Variants in WDR24 observed in about 807,000 individuals in gnomAD.
The protein encoded by WDR24 is GATOR2 complex protein WDR24.
Under a neutral mutation model 66.7 loss-of-function variants are expected in WDR24, and 32 were observed. The observed-to-expected ratio is 0.48, with a 90% confidence interval of 0.36 to 0.64. WDR24 has a LOEUF of 0.64. Ranked by LOEUF, WDR24 falls within the 30% of genes least tolerant of loss-of-function variation. The pLI is 0.00. For missense variants in WDR24, 978 were observed against 1,144.1 expected, an observed-to-expected ratio of 0.85 and a Z score of 2.09; for synonymous variants, 565 against 469.1, an observed-to-expected ratio of 1.20 and a Z score of -2.64.
chr16:689,665 G>A lies in WDR24; in HGVS notation c.-25C>T. The stretch of plus-strand genomic sequence containing the variant: ...TGGCTGCACAGGTGATGAGGTCAGG[G>A]GTCAGGAGGTCAGTGAGGTGGGCTG... On this transcript the variant is annotated 5_prime_UTR_variant, in exon 1 of 9. Transcript: ENST00000293883. 6.2e-7 allele frequency: 1 copy of A among 1,605,282 alleles called. No individual in the cohort carries two copies. Among genetic ancestry groups the A allele is most frequent in the Non-Finnish European group, 8.5e-7 (1 of 1,175,006 alleles).
Position 684,863 on chromosome 16 carries a change from G to C in WDR24, c.2244C>G (p.His748Gln), listed in dbSNP as rs763987449. 1.9e-6 allele frequency: 3 copies of C among 1,550,856 alleles called. No individual in the cohort carries two copies. The highest frequency in any genetic ancestry group is 2.4e-5 in the South Asian group (2 of 84,274). The change falls in exon 9 of 9, where the codon CAC becomes CAG. Residue 748 changes from histidine to glutamine, a missense_variant. His to Gln is a conservative substitution (Grantham distance 24). Around this residue, in one of 2 missense-constraint regions of WDR24, gnomAD observed 676 missense variants for 617.5 expected, o/e 1.09. Transcript: ENST00000293883. ...ACCACACGAAGAGACCCTTGACTAC[G>C]TGGTGGCAGACGGCACACATGCTGG... ...RCASMCAVCHHVVKGLFVWCQ... is the reference protein window; with the variant it reads ...RCASMCAVCHQVVKGLFVWCQ...
At position 685,429 on chromosome 16, in the gene WDR24, A is replaced by G; in HGVS notation, c.1847T>C (p.Leu616Pro). The G allele has an allele frequency of 6.2e-7, 1 of 1,611,596 alleles. No individual in the cohort carries two copies. The highest frequency in any genetic ancestry group is 8.5e-7 in the Non-Finnish European group (1 of 1,178,926). ...SLAPVDSSFSLLSVSHALYDS... is the reference protein window; with the variant it reads ...SLAPVDSSFSPLSVSHALYDS... ...GTAGAGCGCGTGTGAGACAGACAGGAGCGAGAAGGAGGAGTCCACGGGGGC... is the reference window on the plus strand; with the variant it reads ...GTAGAGCGCGTGTGAGACAGACAGGGGCGAGAAGGAGGAGTCCACGGGGGC... The change falls in exon 7 of 9, where the codon CTC becomes CCC. Residue 616 changes from leucine (L) to proline (P), a missense_variant. Physicochemically the swap from Leu to Pro is moderately conservative, Grantham distance 98 (BLOSUM62 -3). Around this residue, in one of 2 missense-constraint regions of WDR24, gnomAD observed 676 missense variants for 617.5 expected, o/e 1.09. Coordinates refer to ENST00000293883, the MANE Select transcript of WDR24 (RefSeq NM_032259.4).
In WDR24 at chr16:689,339, G is replaced by A. The variant is rs1054032678; in HGVS notation, c.302C>T (p.Thr101Met). Residue 101 changes from threonine to methionine, a missense_variant, in exon 1 of 9, where the codon ACG (threonine) becomes ATG (methionine). By Grantham distance (81) the Thr-to-Met change is moderately conservative. Coordinates refer to ENST00000293883, the MANE Select transcript of WDR24 (RefSeq NM_032259.4). ...ATAATNGVVV[T>M]WNLGRPSRNK... ...GCGGGATGGCCGGCCCAGGTTCCAC[G>A]TGACCACCACGCCATTGGTGGCTGC... The A allele has an allele frequency of 6.8e-6, 11 of 1,613,772 alleles. No homozygotes were observed. The highest frequency in any genetic ancestry group is 9.3e-6 in the Non-Finnish European group (11 of 1,180,016).
Position 689,110 on chromosome 16 carries a change from GGGCACC to G in WDR24, c.481+44_481+49del, listed in dbSNP as rs1350127907. 3 of 1,598,180 alleles carry G rather than the reference GGGCACC, an allele frequency of 1.9e-6. No individual in the cohort carries two copies. The African/African-American group carries it at 4.0e-5, about 21-fold the overall frequency. The stretch of plus-strand genomic sequence containing the variant: ...CCTTTTCCGCCTGCATGGACAGGCT[GGGCACC>G]GGCAGAGACGCCCACCTGCCCTGAC... On this transcript the variant is annotated intron_variant, in intron 1 of 8. Coordinates refer to ENST00000293883, the MANE Select transcript of WDR24 (RefSeq NM_032259.4).
In WDR24 at chr16:685,891, C is replaced by T. The variant is rs1555477506; in HGVS notation, c.1551G>A (p.Ser517=). ...ARSDTVLLDS[S]ATLITNEDNE... is the part of the protein sequence containing the mutation. ...TACCCTCATTGGTGATGAGTGTGGC[C>T]GAGGAGTCGAGCAGAACTGTGTCGC... The change falls in exon 5 of 9, where the codon TCG becomes TCA. Residue 517 remains serine, a synonymous_variant. Coordinates refer to ENST00000293883, the MANE Select transcript of WDR24 (RefSeq NM_032259.4). 1.2e-5 allele frequency: 20 copies of T among 1,613,154 alleles called. No homozygotes were observed. The highest frequency in any genetic ancestry group is 4.5e-5 in the East Asian group (2 of 44,860).
chr16:687,270 G>A lies in WDR24; in HGVS notation c.806C>T (p.Thr269Met), dbSNP rs2039919969. 6.2e-7 allele frequency: 1 copy of A among 1,611,824 alleles called. No homozygotes were observed. The change falls in exon 3 of 9, where the codon ACG becomes ATG. Residue 269 changes from threonine (T) to methionine (M), a missense_variant. Thr to Met is a moderately conservative substitution (Grantham distance 81). This residue lies in a region of WDR24 where 302 missense variants were observed against 526.6 expected (regional missense o/e 0.57). Transcript: ENST00000293883. ...WRPECRHHLA[T>M]CSMMVDHNIY... ...GTTGTGGTCCACCATCATGGAGCAC[G>A]TGGCCAGGTGGTGGCGGCACTCTGG...
chr16:686,310 C>T (rs765386671), intron 3 of WDR24, 124 bp from the exon 4 acceptor site: 2 of 1,095,902 alleles, frequency 1.8e-6, no homozygotes, highest in East Asian at 2.6e-5. Flanking sequence ...ATGTCCAGGC[C>T]CACCCCAGGT....
Position 689,794 on chromosome 16 carries a change from GCTGT to G in WDR24, c.-158_-155del. On this transcript the variant is annotated 5_prime_UTR_variant, in exon 1 of 9. Coordinates refer to ENST00000293883, the MANE Select transcript of WDR24 (RefSeq NM_032259.4). Reference sequence around the variant, plus strand: ...GTCAGTCTTAGTGAGCCAATCCAGGGCTGTCTATCAGCCAATCAGCCTGACAGGC... The same window carrying G: ...GTCAGTCTTAGTGAGCCAATCCAGGGCTATCAGCCAATCAGCCTGACAGGC... 1.6e-6 allele frequency: 2 copies of G among 1,223,284 alleles called. No individual in the cohort carries two copies. Among genetic ancestry groups the G allele is most frequent in the South Asian group, 1.4e-5 (1 of 70,806 alleles). 75.8% of individuals were successfully genotyped at this position (1,223,284 alleles called of 1,614,324 possible). A position where few individuals can be genotyped will look rare whatever the true frequency, so the allele number is the denominator to read the frequency against.
rs184403635 is a variant in WDR24 at position 689,794 on chromosome 16, G to A, written c.-154C>T. 225 of 1,223,284 alleles carry A rather than the reference G, an allele frequency of 1.8e-4. No homozygotes were observed. In the African/African-American group the frequency reaches 3.0e-3, roughly 17 times the overall value. 75.8% of individuals were successfully genotyped at this position (1,223,284 alleles called of 1,614,324 possible). A position where few individuals can be genotyped will look rare whatever the true frequency, so the allele number is the denominator to read the frequency against. On this transcript the variant is annotated 5_prime_UTR_variant, in exon 1 of 9. Transcript: ENST00000293883. The stretch of plus-strand genomic sequence containing the variant: ...GTCAGTCTTAGTGAGCCAATCCAGG[G>A]CTGTCTATCAGCCAATCAGCCTGAC...
chr16:687,749 G>A lies in WDR24; in HGVS notation c.482-10C>T. The A allele has an allele frequency of 6.2e-7, 1 of 1,611,368 alleles. No homozygotes were observed. The highest frequency in any genetic ancestry group is 8.5e-7 in the Non-Finnish European group (1 of 1,179,134). On this transcript the variant is annotated splice_polypyrimidine_tract_variant and intron_variant, in intron 1 of 8. Coordinates refer to ENST00000293883, the MANE Select transcript of WDR24 (RefSeq NM_032259.4). ...ACGCTCTCCGACTGGCCTGCAGGCAGGAGGTCGATGCAGGGGAAGTGACGG... is the reference window on the plus strand; with the variant it reads ...ACGCTCTCCGACTGGCCTGCAGGCAAGAGGTCGATGCAGGGGAAGTGACGG...
intron 1 of WDR24, among the ~76,000 whole-genome samples, chr16:688,370 C>T (rs2039933400): frequency 1.3e-5 from 2 of 152,234 alleles, no homozygotes; most frequent in Admixed American, 1.3e-4. Context: ...TCACTGCAAC[C>T]TCCACCTCCC....
At position 689,900 on chromosome 16, in the gene WDR24, T is replaced by G. The variant is rs902653479; in HGVS notation, c.-260A>C. The stretch of plus-strand genomic sequence containing the variant: ...GGTGAGGGGACTTCCTAGCTTCCCT[T>G]AGGCCTGTCAGTTTCATGTCTGACT... On this transcript the variant is annotated 5_prime_UTR_variant, in exon 1 of 9. Transcript: ENST00000293883. The G allele has an allele frequency of 4.4e-6, 3 of 687,850 alleles. No individual in the cohort carries two copies. The African/African-American group carries it at 5.3e-5, about 12-fold the overall frequency. The allele number at this position is 687,850 out of a possible 1,614,324, so 42.6% of individuals were successfully genotyped here.
rs181861727 is a variant in WDR24 at position 689,963 on chromosome 16, C to T, written c.-323G>A. On this transcript the variant is annotated 5_prime_UTR_variant, in exon 1 of 9. Transcript: ENST00000293883. ...TCTAGCTGGACATTCCCGGCCCAGG[C>T]CACCTCTCGGTACCCCCATCAGCCA... 28 of 577,952 alleles carry T rather than the reference C, an allele frequency of 4.8e-5. No homozygotes were observed. Among genetic ancestry groups the T allele is most frequent in the Non-Finnish European group, 8.2e-5 (25 of 305,496 alleles). 35.8% of individuals were successfully genotyped at this position (577,952 alleles called of 1,614,324 possible). A position where few individuals can be genotyped will look rare whatever the true frequency, so the allele number is the denominator to read the frequency against.
rs371047187 is a variant in WDR24 at position 685,916 on chromosome 16, C to G, written c.1526G>C (p.Ser509Thr). The change falls in exon 5 of 9, where the codon AGC (serine) becomes ACC (threonine). Residue 509 changes from serine (S) to threonine (T), a missense_variant. By Grantham distance (58) the Ser-to-Thr change is moderately conservative (BLOSUM62 1). This residue lies in a region of WDR24 where 676 missense variants were observed against 617.5 expected (regional missense o/e 1.09). Coordinates refer to ENST00000293883, the MANE Select transcript of WDR24 (RefSeq NM_032259.4). ...RLDRSKGDAR[S>T]DTVLLDSSAT... Reference sequence around the variant, plus strand: ...CGAGGAGTCGAGCAGAACTGTGTCGCTCCGTGCATCTCCTTTGCTGCGGTC... The same window carrying G: ...CGAGGAGTCGAGCAGAACTGTGTCGGTCCGTGCATCTCCTTTGCTGCGGTC... The G allele has an allele frequency of 9.3e-6, 15 of 1,613,088 alleles. No homozygotes were observed. The highest frequency in any genetic ancestry group is 1.3e-5 in the Non-Finnish European group (15 of 1,180,010).
At chr16:685,845 G>A (rs1190988935) in intron 5 of WDR24, 24 bp downstream of exon 5, 1 of 1,612,826 alleles carries the variant, frequency 6.2e-7, no homozygotes, top group African/African-American at 1.3e-5. Context: ...TCTCCCATCA[G>A]CACCCCTACC....
chr16:688,948 T>C lies in WDR24; in HGVS notation c.481+212A>G, dbSNP rs993500557. 4.2e-6 allele frequency: 3 copies of C among 710,040 alleles called. No individual in the cohort carries two copies. In the African/African-American group the frequency reaches 5.4e-5, roughly 13 times the overall value. The allele number at this position is 710,040 out of a possible 1,614,324, so 44.0% of individuals were successfully genotyped here. A position where few individuals can be genotyped will look rare whatever the true frequency, so the allele number is the denominator to read the frequency against. On this transcript the variant is annotated intron_variant, in intron 1 of 8. Coordinates refer to ENST00000293883, the MANE Select transcript of WDR24 (RefSeq NM_032259.4). The stretch of plus-strand genomic sequence containing the variant: ...CTAGCCTCAATTTCTGCTGGTCTCA[T>C]CTCTTGCCTCTTCCCACTTGACTGC...
rs2039947325 is a variant in WDR24 at position 689,922 on chromosome 16, G to C, written c.-282C>G. 3 of 648,578 alleles carry C rather than the reference G, an allele frequency of 4.6e-6. No homozygotes were observed. Among genetic ancestry groups the C allele is most frequent in the Non-Finnish European group, 8.5e-6 (3 of 351,372 alleles). The allele number at this position is 648,578 out of a possible 1,614,324, so 40.2% of individuals were successfully genotyped here. A position where few individuals can be genotyped will look rare whatever the true frequency, so the allele number is the denominator to read the frequency against. On this transcript the variant is annotated 5_prime_UTR_variant, in exon 1 of 9. Coordinates refer to ENST00000293883, the MANE Select transcript of WDR24 (RefSeq NM_032259.4). ...CCTTAGGCCTGTCAGTTTCATGTCTGACTTCCACGGAAGACTCTAGCTGGA... is the reference window on the plus strand; with the variant it reads ...CCTTAGGCCTGTCAGTTTCATGTCTCACTTCCACGGAAGACTCTAGCTGGA...
Position 686,195 on chromosome 16 carries a change from G to A in WDR24, c.1333-9C>T, listed in dbSNP as rs200112593. 2.4e-4 allele frequency: 382 copies of A among 1,611,758 alleles called. No individual in the cohort carries two copies. The highest frequency in any genetic ancestry group is 2.9e-4 in the African/African-American group (22 of 75,020). ...GTCCACGTTTGCGCCACCTAGGGGC[G>A]GGCACTGGTCACTTGTGGGCGTCCT... is the stretch of plus-strand genomic sequence containing the variant. On this transcript the variant is annotated splice_polypyrimidine_tract_variant and intron_variant, in intron 3 of 8. Coordinates refer to ENST00000293883, the MANE Select transcript of WDR24 (RefSeq NM_032259.4).
In WDR24 at chr16:685,057, G is replaced by A. The variant is rs1355942767; in HGVS notation, c.2139C>T (p.Thr713=). Reference sequence around the variant, plus strand: ...AGTGGCTGCAGTTGACGTGCAGGGTGGTGGAGGCCTGGTTGAGGCAGCTGA... The same window carrying A: ...AGTGGCTGCAGTTGACGTGCAGGGTAGTGGAGGCCTGGTTGAGGCAGCTGA... ...RAVSCLNQAS[T]TLHVNCSHCK... is the part of the protein sequence containing the mutation. The change falls in exon 8 of 9, where the codon ACC becomes ACT. Residue 713 remains threonine (T), a synonymous_variant. Coordinates refer to ENST00000293883, the MANE Select transcript of WDR24 (RefSeq NM_032259.4). 2 of 1,558,252 alleles carry A rather than the reference G, an allele frequency of 1.3e-6. No individual in the cohort carries two copies. Among genetic ancestry groups the A allele is most frequent in the Non-Finnish European group, 1.7e-6 (2 of 1,152,234 alleles).
Sources: allele counts gnomAD v4.1 joint callset (sites outside exome capture counted in the v4.1 genomes callset), GRCh38; gene constraint gnomAD v4.1.1; regional missense constraint gnomAD v4.1.1; transcripts MANE v1.5; gene names NCBI Gene and HGNC (gene_info 2026-07-23, HGNC 2026-07-21).